CUL4A: variants seen among roughly 807,000 people sequenced by gnomAD.
CUL4A encodes the protein cullin 4A, also known as cullin-4A.
In CUL4A, 16 loss-of-function variants were observed where a neutral mutation model predicts 95.5. That is an observed-to-expected ratio of 0.17 (90% confidence interval 0.11 to 0.25). The LOEUF is 0.25. CUL4A is among the 10% of genes least tolerant of loss of function. CUL4A has a pLI of 1.00. For synonymous variants in CUL4A, 380 were observed against 353.1 expected, an observed-to-expected ratio of 1.08 and a Z score of -0.85; for missense variants, 610 against 937.0, an observed-to-expected ratio of 0.65 and a Z score of 4.56.
chr13:113,246,471 C>T (rs914041579), intron 15 of CUL4A, among the ~76,000 whole-genome samples: 7 of 152,124 alleles, frequency 4.6e-5, no homozygotes, highest in Admixed American at 1.3e-4. Flanking sequence ...GTTTGCACGC[C>T]GGAGGTAGAA....
chr13:113,228,340 G>T (rs2041182803), intron 4 of CUL4A, among the ~76,000 whole-genome samples: 1 of 152,152 alleles, frequency 6.6e-6, no homozygotes, highest in South Asian at 2.1e-4. Context: ...TCAGAATCTA[G>T]CCTGAATCCC....
At chr13:113,227,918 A>G (rs2041166888) in intron 3 of CUL4A, 58 bp from the exon 4 acceptor site, 2 of 1,219,402 alleles carry the variant, frequency 1.6e-6, no homozygotes, top group Admixed American at 3.8e-5. Context: ...AAAAAAAAAA[A>G]AAAAGGTAAT....
intron 19 of CUL4A, among the ~76,000 whole-genome samples, chr13:113,262,462 G>T (rs2042306595): frequency 1.3e-5 from 2 of 152,146 alleles, no homozygotes; most frequent in African/African-American, 4.8e-5. Context: ...ACCAGCCTGG[G>T]CAACATAGTG....
At chr13:113,247,418 C>T (rs1203708706) in intron 15 of CUL4A, among the ~76,000 whole-genome samples, 1 of 152,190 alleles carries the variant, frequency 6.6e-6, no homozygotes, top group African/African-American at 2.4e-5. Context: ...TAGGGCAGGA[C>T]ACCTCTGGAA....
In CUL4A at chr13:113,244,392, A is replaced by G. The variant is rs376811860; in HGVS notation, c.1229-18A>G. ...CTTTTTCTAGTTTAGAGTATTTACTATATGTTTATGCTCACAGCAAAGCAT... is the reference window on the plus strand; with the variant it reads ...CTTTTTCTAGTTTAGAGTATTTACTGTATGTTTATGCTCACAGCAAAGCAT... On this transcript the variant is annotated intron_variant, in intron 11 of 19. Transcript: ENST00000375440. 39 of 1,577,654 alleles carry G rather than the reference A, an allele frequency of 2.5e-5. No individual in the cohort carries two copies. The highest frequency in any genetic ancestry group is 6.7e-5 in the East Asian group (3 of 44,554).
chr13:113,267,008 T>C lies in CUL4A; in HGVS notation c.*3426T>C, dbSNP rs2042407292. The C allele has an allele frequency of 6.6e-6, 1 of 152,110 alleles. No individual in the cohort carries two copies. The highest frequency in any genetic ancestry group is 2.1e-4 in the South Asian group (1 of 4,830). 9.4% of individuals were successfully genotyped at this position (152,110 alleles called of 1,614,324 possible). A position where few individuals can be genotyped will look rare whatever the true frequency, so the allele number is the denominator to read the frequency against. The stretch of plus-strand genomic sequence containing the variant: ...TGTAGTGAGAACATCTGAAATTTAC[T>C]CTTAGCAATTTTGAAATGTACAATA... On this transcript the variant is annotated 3_prime_UTR_variant, in exon 20 of 20. Coordinates refer to ENST00000375440, the MANE Select transcript of CUL4A (RefSeq NM_001008895.4).
At chr13:113,256,431 C>G (rs1234646748) in intron 18 of CUL4A, among the ~76,000 whole-genome samples, 2 of 152,276 alleles carry the variant, frequency 1.3e-5, no homozygotes, top group East Asian at 3.9e-4. Flanking sequence ...GATTCTTGCT[C>G]TGGAGCTGCT....
chr13:113,219,709 T>G (rs1041952379), intron 3 of CUL4A: 2 of 152,324 alleles, frequency 1.3e-5, no homozygotes, highest in Non-Finnish European at 2.9e-5. Context: ...AGATAGGGCC[T>G]TATATGATGT....
chr13:113,236,923 G>C (rs186042364), intron 9 of CUL4A, 33 bp downstream of exon 9: 110 of 1,458,496 alleles, frequency 7.5e-5, no homozygotes, highest in Non-Finnish European at 6.7e-6. Context: ...AAATTAAACT[G>C]AACAATTATC....
rs547255938 is a variant in CUL4A, at chr13:113,223,872, G to A, written c.369-4104G>A. The stretch of plus-strand genomic sequence containing the variant: ...TTGTCTCACATGTTTGATAAATTCT[G>A]CACTTAGCTGTCCGTTTCAAAATAG... On this transcript the variant is annotated intron_variant, in intron 3 of 19. Coordinates refer to ENST00000375440, the MANE Select transcript of CUL4A (RefSeq NM_001008895.4). Among the ~76,000 whole-genome samples the A allele has an allele frequency of 7.2e-5, 11 of 152,218 alleles. No homozygotes were observed. The South Asian group carries it at 2.1e-3, about 29-fold the overall frequency.
chr13:113,255,726 C>T (rs773170995), intron 18 of CUL4A, among the ~76,000 whole-genome samples: 17 of 152,150 alleles, frequency 1.1e-4, no homozygotes, highest in Admixed American at 2.0e-4. Flanking sequence ...CGTGTCTTTT[C>T]ATGACTGGGT....
In CUL4A at chr13:113,246,060, A is replaced by G. The variant is rs1428210310; in HGVS notation, c.1635A>G (p.Pro545=). Residue 545 remains proline, a synonymous_variant, in exon 15 of 20, where the codon CCA becomes CCG. Coordinates refer to ENST00000375440, the MANE Select transcript of CUL4A (RefSeq NM_001008895.4). The part of the protein sequence containing the change: ...TYTPMEVHLT[P]EMIKLQEVFK... ...CGCCCATGGAAGTGCACTTAACCCC[A>G]GAAGTAAGTGTGCAGAAAGCATGCT... The G allele has an allele frequency of 1.9e-6, 3 of 1,611,476 alleles. No homozygotes were observed. Among genetic ancestry groups the G allele is most frequent in the Non-Finnish European group, 2.5e-6 (3 of 1,178,118 alleles).
chr13:113,208,358 C>T, upstream of CUL4A: 3 of 1,432,834 alleles, frequency 2.1e-6, no homozygotes, highest in Non-Finnish European at 2.7e-6. Flanking sequence ...TACACCGCGA[C>T]GACTCCGCGA....
In CUL4A at chr13:113,256,926, G is replaced by GTTTTTTTTTTTTTT. The variant is rs951070829; in HGVS notation, c.2031+1811_2031+1824dup. ...AATGCTTTGTCCCTTTTTTTTTTTC[G>GTTTTTTTTTTTTTT]TTTTTTTTTTTTTTTTTTTTTTTGC... On this transcript the variant is annotated intron_variant, in intron 18 of 19. Coordinates refer to ENST00000375440, the MANE Select transcript of CUL4A (RefSeq NM_001008895.4). 1.3e-3 allele frequency among the ~76,000 whole-genome samples: 60 copies of GTTTTTTTTTTTTTT among 47,386 alleles called. 7 individuals are homozygous for GTTTTTTTTTTTTTT. The highest frequency in any genetic ancestry group is 2.3e-3 in the South Asian group (2 of 882). 31.1% of individuals were successfully genotyped at this position (47,386 alleles called of 152,430 possible).
At chr13:113,232,645 G>A (rs550846084) in intron 5 of CUL4A, among the ~76,000 whole-genome samples, 11 of 152,308 alleles carry the variant, frequency 7.2e-5, no homozygotes, top group South Asian at 6.2e-4. Context: ...TGAGGACTGC[G>A]ATGAACTCTG....
intron 4 of CUL4A, 68 bp downstream of exon 4, chr13:113,228,113 C>A: frequency 8.4e-7 from 1 of 1,183,564 alleles, no homozygotes; most frequent in Non-Finnish European, 1.3e-6. Flanking sequence ...TGATTGAGAG[C>A]TGAGACATAG....
At position 113,266,323 on chromosome 13, in the gene CUL4A, G is replaced by A. The variant is rs1245630940; in HGVS notation, c.*2741G>A. On this transcript the variant is annotated 3_prime_UTR_variant, in exon 20 of 20. Transcript: ENST00000375440. ...CATGAGACACTGCACCTGACCAGAA[G>A]TCATTTTTTCAATAGCAACCCCCAA... 2 of 152,158 alleles carry A rather than the reference G, an allele frequency of 1.3e-5. No individual in the cohort carries two copies. Among genetic ancestry groups the A allele is most frequent in the Non-Finnish European group, 2.9e-5 (2 of 68,020 alleles). 9.4% of individuals were successfully genotyped at this position (152,158 alleles called of 1,614,324 possible). A position where few individuals can be genotyped will look rare whatever the true frequency, so the allele number is the denominator to read the frequency against.
chr13:113,254,305 C>T (rs1436356607), intron 16 of CUL4A, among the ~76,000 whole-genome samples: 2 of 152,188 alleles, frequency 1.3e-5, no homozygotes, highest in African/African-American at 2.4e-5. Context: ...TTCACCCCTA[C>T]GTTACAGTCA....
In CUL4A at chr13:113,245,156, C is replaced by T. The variant is rs751190555; in HGVS notation, c.1449C>T (p.Cys483=). 1.2e-5 allele frequency: 20 copies of T among 1,613,900 alleles called. No individual in the cohort carries two copies. The highest frequency in any genetic ancestry group is 5.0e-5 in the Admixed American group (3 of 60,004). ...KSMLSKLKHE[C]GAAFTSKLEG... ...TCCCTCCTTTGCTGTGTCCAGAGTGCGGTGCAGCCTTCACCAGCAAGCTGG... is the reference window on the plus strand; with the variant it reads ...TCCCTCCTTTGCTGTGTCCAGAGTGTGGTGCAGCCTTCACCAGCAAGCTGG... Residue 483 remains cysteine, a synonymous_variant, in exon 14 of 20, where the codon TGC becomes TGT. Coordinates refer to ENST00000375440, the MANE Select transcript of CUL4A (RefSeq NM_001008895.4).
Sources: allele counts gnomAD v4.1 joint callset (sites outside exome capture counted in the v4.1 genomes callset), GRCh38; gene constraint gnomAD v4.1.1; transcripts MANE v1.5; gene names NCBI Gene and HGNC (gene_info 2026-07-23, HGNC 2026-07-21).